Variants in CHM observed in about 807,000 individuals in gnomAD.
CHM encodes the protein CHM Rab escort protein, also known as rab proteins geranylgeranyltransferase component A 1.
A neutral mutation model predicts 49.0 loss-of-function variants in CHM; 10 were observed. The ratio of observed to expected loss-of-function variants is 0.20; its 90% CI spans 0.13 to 0.35. CHM has a LOEUF of 0.35. CHM is among the 10% of genes least tolerant of loss of function. The pLI, the probability that CHM is intolerant of heterozygous loss-of-function variation, is 1.00. For synonymous variants in CHM, 184 were observed against 167.5 expected, an observed-to-expected ratio of 1.10 and a Z score of -0.76; for missense variants, 455 against 478.4, an observed-to-expected ratio of 0.95 and a Z score of 0.46.
At chrX:86,025,493 T>C (rs756929522) in intron 2 of CHM, among the ~76,000 whole-genome samples, 3 of 109,414 alleles carry the variant, frequency 2.7e-5, no homozygotes, top group Non-Finnish European at 5.7e-5. Context: ...CTGGGTAGCA[T>C]AGCGAGATTC....
At chrX:85,873,949 G>A (rs1924262777) in intron 13 of CHM, among the ~76,000 whole-genome samples, 1 of 111,444 alleles carries the variant, frequency 9.0e-6, no homozygotes, top group South Asian at 3.8e-4. Flanking sequence ...GCCATTTTGA[G>A]CACATGTTCT....
chrX:86,008,730 G>T (rs1287498784), intron 2 of CHM, among the ~76,000 whole-genome samples: 1 of 111,255 alleles, frequency 9.0e-6, no homozygotes, highest in African/African-American at 3.3e-5. Flanking sequence ...AAGCCATATG[G>T]TCTCTGTTGG....
intron 8 of CHM, among the ~76,000 whole-genome samples, chrX:85,913,452 A>T (rs1417474923): frequency 9.4e-6 from 1 of 106,614 alleles, no homozygotes; most frequent in Non-Finnish European, 1.9e-5. Flanking sequence ...AGGAAGGCCA[A>T]AGTCAAAGAA....
At chrX:85,954,076 GA>G (rs1929889054) in intron 8 of CHM, among the ~76,000 whole-genome samples, 3 of 111,347 alleles carry the variant, frequency 2.7e-5, no homozygotes, top group African/African-American at 9.8e-5. Flanking sequence ...AACTCTACAG[GA>G]AAAAAATCTA....
intron 1 of CHM, among the ~76,000 whole-genome samples, chrX:86,037,985 A>G (rs1934314902): frequency 8.9e-6 from 1 of 111,765 alleles, no homozygotes; most frequent in Non-Finnish European, 1.9e-5. Flanking sequence ...ACACTAAAAA[A>G]GACACAAAAT....
intron 8 of CHM, among the ~76,000 whole-genome samples, chrX:85,913,707 A>G (rs751538692): frequency 9.0e-6 from 1 of 111,474 alleles, no homozygotes; most frequent in East Asian, 2.8e-4. Flanking sequence ...AAAGTAATAA[A>G]AAGATCCATG....
At chrX:86,038,537 T>G in intron 1 of CHM, among the ~76,000 whole-genome samples, 1 of 112,253 alleles carries the variant, frequency 8.9e-6, no homozygotes, top group East Asian at 2.8e-4. Context: ...GTGCCACAGG[T>G]GCATCCTTAA....
At chrX:85,906,100 T>C (rs1417071632) in intron 9 of CHM, among the ~76,000 whole-genome samples, 1 of 111,802 alleles carries the variant, frequency 8.9e-6, no homozygotes, top group African/African-American at 3.3e-5. Flanking sequence ...GTTGCATGGA[T>C]GGGTGAATGG....
chrX:85,878,553 A>G (rs1439410757), intron 13 of CHM, among the ~76,000 whole-genome samples: 2 of 111,517 alleles, frequency 1.8e-5, no homozygotes, highest in East Asian at 5.6e-4. Flanking sequence ...TGTTAGTTGA[A>G]TCTTTTTTCC....
At chrX:86,028,004 G>C (rs1172647864) in intron 1 of CHM, among the ~76,000 whole-genome samples, 1 of 111,782 alleles carries the variant, frequency 8.9e-6, no homozygotes, top group Non-Finnish European at 1.9e-5. Context: ...CTTGTGATCC[G>C]CCCACCTCGG....
rs1253048979 is a variant in CHM at position 85,862,135 on chromosome X, T to G, written c.*2495A>C. 1 of 111,993 alleles carries G rather than the reference T, an allele frequency of 8.9e-6. No homozygotes were observed. Among genetic ancestry groups the G allele is most frequent in the Non-Finnish European group, 1.9e-5 (1 of 53,180 alleles). The allele number at this position is 111,993 out of a possible 1,213,427, so 9.2% of individuals were successfully genotyped here. ...AACTTTTAAACATTTCAATCATATT[T>G]AATAAATGACCTGAAAGAGAGATTC... On this transcript the variant is annotated 3_prime_UTR_variant, in exon 15 of 15. Transcript: ENST00000357749.
Position 85,982,463 on chromosome X carries a change from G to A in CHM, c.117-654C>T, listed in dbSNP as rs748084190. Among the ~76,000 whole-genome samples, 99 of 112,151 alleles carry A rather than the reference G, an allele frequency of 8.8e-4. No individual in the cohort carries two copies. In the Admixed American group the frequency reaches 8.9e-3, roughly 10 times the overall value. ...AGAAACAAAACTATCACTAATAACCGGGTGAGCTATTATTCTTCATTACTC... is the reference window on the plus strand; with the variant it reads ...AGAAACAAAACTATCACTAATAACCAGGTGAGCTATTATTCTTCATTACTC... On this transcript the variant is annotated intron_variant, in intron 2 of 14. Coordinates refer to ENST00000357749, the MANE Select transcript of CHM (RefSeq NM_000390.4).
At chrX:85,935,664 T>C (rs1264775860) in intron 8 of CHM, among the ~76,000 whole-genome samples, 1 of 112,235 alleles carries the variant, frequency 8.9e-6, no homozygotes. Context: ...AATACAGTAA[T>C]AGAATCTTAT....
rs1416369495 is a variant in CHM, at chrX:85,978,744, C to T, written c.314+23G>A. 5.9e-6 allele frequency: 7 copies of T among 1,183,784 alleles called. No homozygotes were observed. In the Admixed American group the frequency reaches 8.9e-5, roughly 15 times the overall value. Reference sequence around the variant, plus strand: ...GTGAAAAAGTCATTAATTTAGTTTACCTGCAGTAAATACTTTTCATACCTG... The same window carrying T: ...GTGAAAAAGTCATTAATTTAGTTTATCTGCAGTAAATACTTTTCATACCTG... On this transcript the variant is annotated intron_variant, in intron 4 of 14. Transcript: ENST00000357749.
At chrX:85,980,696 A>C (rs969977259) in intron 3 of CHM, among the ~76,000 whole-genome samples, 83 of 111,752 alleles carry the variant, frequency 7.4e-4, no homozygotes, top group African/African-American at 2.5e-3. Context: ...CAGAAATTTC[A>C]TTTCAAGCCA....
chrX:85,886,166 C>A (rs1209920441), intron 12 of CHM, among the ~76,000 whole-genome samples: 2 of 110,948 alleles, frequency 1.8e-5, no homozygotes, highest in South Asian at 3.9e-4. Flanking sequence ...ACAAATTGTT[C>A]TGAATATACA....
In CHM at chrX:86,038,325, G is replaced by A. The variant is rs983032118; in HGVS notation, c.49+9159C>T. Among the ~76,000 whole-genome samples, 8 of 111,653 alleles carry A rather than the reference G, an allele frequency of 7.2e-5. No homozygotes were observed. In the Admixed American group the frequency reaches 7.6e-4, roughly 11 times the overall value. On this transcript the variant is annotated intron_variant, in intron 1 of 14. Transcript: ENST00000357749. ...CCCTACTGTTTCACTACAGACTAAG[G>A]CATAAGTGACTATTCCTCATTTGTC...
intron 8 of CHM, among the ~76,000 whole-genome samples, chrX:85,929,181 C>A (rs940992158): frequency 8.9e-5 from 10 of 111,771 alleles, no homozygotes; most frequent in Non-Finnish European, 1.3e-4. Flanking sequence ...GGTATTGTCA[C>A]AAACACACTC....
chrX:86,042,663 A>T (rs1934512899), intron 1 of CHM, among the ~76,000 whole-genome samples: 1 of 109,729 alleles, frequency 9.1e-6, no homozygotes, highest in Non-Finnish European at 1.9e-5. Flanking sequence ...ACAAAAATAA[A>T]AAAAAAAAAA....
Sources: gnomAD v4.1 joint callset for allele counts (sites outside exome capture counted in the v4.1 genomes callset) on GRCh38, gnomAD v4.1.1 for gene constraint, MANE v1.5 for transcripts, NCBI Gene and HGNC (gene_info 2026-07-23, HGNC 2026-07-21) for gene names.